Variants in BPTF observed in about 807,000 individuals in gnomAD.
The protein encoded by BPTF is nucleosome-remodeling factor subunit BPTF.
In BPTF, 18 loss-of-function variants were observed where a neutral mutation model predicts 292.5. The observed-to-expected ratio is 0.06, with a 90% CI of 0.04 to 0.09. The LOEUF is 0.09. Ranked by LOEUF, BPTF falls within the 10% of genes least tolerant of loss-of-function variation. The probability of loss-of-function intolerance (pLI) is 1.00; values close to 1 mark genes in which losing one functional copy is unlikely to be tolerated. For synonymous variants in BPTF, 1,225 were observed against 1,251.9 expected, an observed-to-expected ratio of 0.98 and a Z score of 0.45; for missense variants, 2,726 against 3,498.7, an observed-to-expected ratio of 0.78 and a Z score of 5.57.
At chr17:67,981,563 T>C in intron 27 of BPTF, 1 of 1,072,070 alleles carries the variant, frequency 9.3e-7, no homozygotes, top group Non-Finnish European at 1.1e-6. Flanking sequence ...TTAGTTAATA[T>C]AATTTTTTAA....
At chr17:67,834,092 T>C (rs1480554032) in intron 1 of BPTF, among the ~76,000 whole-genome samples, 1 of 152,144 alleles carries the variant, frequency 6.6e-6, no homozygotes, top group Non-Finnish European at 1.5e-5. Context: ...TCCATCACCT[T>C]CTCCAGCCTG....
rs1187553803 is a variant in BPTF at position 67,984,154 on chromosome 17, T to C, written c.*1866T>C. On this transcript the variant is annotated 3_prime_UTR_variant, in exon 28 of 28. Transcript: ENST00000306378. ...TTCTACATTTTAATGAGTTATAAAA[T>C]TATTCTGCATCTCATCACGTCACAG... The C allele has an allele frequency of 6.6e-6, 1 of 152,606 alleles. No individual in the cohort carries two copies. The highest frequency in any genetic ancestry group is 2.4e-5 in the African/African-American group (1 of 41,466). 9.5% of individuals were successfully genotyped at this position (152,606 alleles called of 1,614,324 possible).
rs546674693 is a variant in BPTF, at chr17:67,854,853, G to A, written c.1436+91G>A. 8.0e-5 allele frequency: 69 copies of A among 857,476 alleles called. No individual in the cohort carries two copies. The South Asian group carries it at 1.2e-3, about 15-fold the overall frequency. The allele number at this position is 857,476 out of a possible 1,614,324, so 53.1% of individuals were successfully genotyped here. Reference sequence around the variant, plus strand: ...TGTAGCAGAGCTATGCTGTTGATGTGGTATAAACCTTTGTAACTTAATAGT... The same window carrying A: ...TGTAGCAGAGCTATGCTGTTGATGTAGTATAAACCTTTGTAACTTAATAGT... On this transcript the variant is annotated intron_variant, in intron 2 of 27. Coordinates refer to ENST00000306378, the MANE Select transcript of BPTF (RefSeq NM_182641.4). This position sits in a 1 kb window ranked among gnomAD's most constrained non-coding sequence, Gnocchi z 5.6.
intron 14 of BPTF, 140 bp downstream of exon 14, chr17:67,923,130 A>C (rs1217156791): frequency 6.1e-5 from 59 of 972,606 alleles, no homozygotes; most frequent in Admixed American, 4.1e-4. Flanking sequence ...ATCTTGGCTC[A>C]CTGCAACCTC....
In BPTF at chr17:67,893,885, C is replaced by T. The variant is rs143795367; in HGVS notation, c.2412-149C>T. 485 of 1,170,350 alleles carry T rather than the reference C, an allele frequency of 4.1e-4. 4 individuals are homozygous for T. In the African/African-American group the frequency reaches 6.8e-3, roughly 16 times the overall value. The allele number at this position is 1,170,350 out of a possible 1,614,324, so 72.5% of individuals were successfully genotyped here. ...GAGGCATGAGTGTACTTCTAACTTA[C>T]TGAACCGACACCACTAACTATTTGG... On this transcript the variant is annotated intron_variant, in intron 6 of 27. Transcript: ENST00000306378.
At chr17:67,954,651 T>C (rs1300131866) in intron 23 of BPTF, among the ~76,000 whole-genome samples, 3 of 152,262 alleles carry the variant, frequency 2.0e-5, no homozygotes, top group Non-Finnish European at 4.4e-5. Context: ...TTGTAACTTA[T>C]TTAAGCATGA....
chr17:67,972,785 A>G (rs1321040105), intron 26 of BPTF, among the ~76,000 whole-genome samples: 1 of 151,804 alleles, frequency 6.6e-6, no homozygotes, highest in East Asian at 1.9e-4. Context: ...CACATACTTT[A>G]TTAAAATGAA....
chr17:67,898,002 C>A (rs1429344178), intron 7 of BPTF, among the ~76,000 whole-genome samples: 1 of 151,998 alleles, frequency 6.6e-6, no homozygotes, highest in Non-Finnish European at 1.5e-5. Flanking sequence ...GAATAAGAAA[C>A]CATGGCTGAA....
intron 1 of BPTF, among the ~76,000 whole-genome samples, chr17:67,843,752 G>GTTT (rs1188981249): frequency 1.2e-5 from 1 of 81,212 alleles, no homozygotes; most frequent in African/African-American, 6.8e-5. Flanking sequence ...TGGAGCAGTT[G>GTTT]TCTTTTTTTT....
At chr17:67,855,486 C>T (rs1401069500) in intron 2 of BPTF, among the ~76,000 whole-genome samples, 2 of 152,044 alleles carry the variant, frequency 1.3e-5, no homozygotes, top group African/African-American at 4.8e-5. Context: ...ACCTAGTTGT[C>T]TAAGGAAAGG....
rs374176300 is a variant in BPTF, at chr17:67,945,545, C to G, written c.6837C>G (p.Pro2279=). Residue 2279 remains proline (P), a synonymous_variant, in exon 21 of 28, where the codon CCC becomes CCG. Transcript: ENST00000306378. ...AGACTGCTCAGCCTTCAGCTCAGCCCCAGCCCCAAACCCAGCCCCAGTCCC... is the reference window on the plus strand; with the variant it reads ...AGACTGCTCAGCCTTCAGCTCAGCCGCAGCCCCAAACCCAGCCCCAGTCCC... ...QPQTAQPSAQ[P]QPQTQPQSPA... 3.1e-6 allele frequency: 5 copies of G among 1,612,502 alleles called. No individual in the cohort carries two copies. The highest frequency in any genetic ancestry group is 2.2e-5 in the East Asian group (1 of 44,772).
chr17:67,855,415 G>A (rs1252044705), intron 2 of BPTF, among the ~76,000 whole-genome samples: 1 of 152,184 alleles, frequency 6.6e-6, no homozygotes, highest in Non-Finnish European at 1.5e-5. Flanking sequence ...TGGTGTTAGG[G>A]TTGTTTTACT....
chr17:67,855,600 T>G, intron 2 of BPTF, among the ~76,000 whole-genome samples: 1 of 152,136 alleles, frequency 6.6e-6, no homozygotes, highest in Non-Finnish European at 1.5e-5. Flanking sequence ...GAGAAGCTCT[T>G]CTGGGAAGCC....
chr17:67,879,886 G>T (rs1368864657), intron 4 of BPTF, among the ~76,000 whole-genome samples: 2 of 152,088 alleles, frequency 1.3e-5, no homozygotes, highest in South Asian at 2.1e-4. Flanking sequence ...TGAGGGATCC[G>T]TCCCCAGAAT....
intron 24 of BPTF, among the ~76,000 whole-genome samples, chr17:67,960,555 A>T (rs546854045): frequency 3.3e-5 from 5 of 152,308 alleles, no homozygotes; most frequent in African/African-American, 9.6e-5. Flanking sequence ...TAAACCGTAA[A>T]TGTAGTTTCA....
chr17:67,938,473 G>C (rs1340081189), intron 18 of BPTF, among the ~76,000 whole-genome samples: 1 of 152,166 alleles, frequency 6.6e-6, no homozygotes, highest in Non-Finnish European at 1.5e-5. Context: ...ACTACCAGTT[G>C]TTAAAGCTAT....
chr17:67,904,417 A>G (rs2062043217), intron 8 of BPTF, among the ~76,000 whole-genome samples: 1 of 152,230 alleles, frequency 6.6e-6, no homozygotes, highest in African/African-American at 2.4e-5. Flanking sequence ...ATCTTAGAAT[A>G]TTGGAGGCTT....
chr17:67,911,360 A>G lies in BPTF; in HGVS notation c.3476A>G (p.Lys1159Arg), dbSNP rs1384730707. The change falls in exon 11 of 28, where the codon AAA (lysine) becomes AGA (arginine). Residue 1159 changes from lysine (K) to arginine (R), a missense_variant. Lys to Arg is a conservative substitution (Grantham distance 26). Around this residue, in one of 22 missense-constraint regions of BPTF, gnomAD observed 713 missense variants for 714.9 expected, o/e 1.00. Transcript: ENST00000306378. Reference sequence around the variant, plus strand: ...AGTGATCCTAGTCATACCACAAACAAACTTTATCCAAAAGATCGAGTGTTA... The same window carrying G: ...AGTGATCCTAGTCATACCACAAACAGACTTTATCCAAAAGATCGAGTGTTA... ...RMSDPSHTTNKLYPKDRVLDD... is the reference protein window; with the variant it reads ...RMSDPSHTTNRLYPKDRVLDD... 3 of 1,613,984 alleles carry G rather than the reference A, an allele frequency of 1.9e-6. No homozygotes were observed. Among genetic ancestry groups the G allele is most frequent in the Non-Finnish European group, 2.5e-6 (3 of 1,180,004 alleles).
chr17:67,975,317 CAAT>C (rs1398019339), intron 26 of BPTF: 3 of 152,552 alleles, frequency 2.0e-5, no homozygotes, highest in African/African-American at 7.2e-5. Flanking sequence ...TAAAAGGTAA[CAAT>C]AAAAATAAAG....
Sources: gnomAD v4.1 joint callset for allele counts (sites outside exome capture counted in the v4.1 genomes callset) on GRCh38, gnomAD v4.1.1 for gene constraint, gnomAD v4.1.1 regional missense constraint, Gnocchi (gnomAD v3.1) non-coding constraint, MANE v1.5 for transcripts, NCBI Gene and HGNC (gene_info 2026-07-23, HGNC 2026-07-21) for gene names.